The following RORA variants were observed in gnomAD, a reference collection of about 807,000 sequenced individuals.
RORA encodes RAR related orphan receptor A.
In RORA, 7 loss-of-function variants were observed where a neutral mutation model predicts 69.5. That is an observed-to-expected ratio of 0.10 (90% CI 0.06 to 0.19). The LOEUF is 0.19. Ranked by LOEUF, RORA falls within the 10% of genes least tolerant of loss-of-function variation. The pLI is 1.00. For synonymous variants in RORA, 261 were observed against 240.8 expected (o/e 1.08, Z -0.78); for missense variants, 457 against 663.0 (o/e 0.69, Z 3.41).
chr15:60,549,238 T>C (rs1265263745), intron 2 of RORA, among the ~76,000 whole-genome samples: 1 of 152,200 alleles, frequency 6.6e-6, no homozygotes, highest in Non-Finnish European at 1.5e-5. Flanking sequence ...TCTACTCTCT[T>C]GCTCTCTGCA....
At chr15:60,668,201 A>G (rs943039486) in intron 2 of RORA, among the ~76,000 whole-genome samples, 4 of 152,180 alleles carry the variant, frequency 2.6e-5, no homozygotes, top group Non-Finnish European at 5.9e-5. Flanking sequence ...CCTGAGCCCG[A>G]ATGACAAGTT....
rs912058386 is a variant in RORA, at chr15:60,493,208, G to T, written c.*4247C>A. ...CATATGATTTAAACAATCAATGTTG[G>T]AAACAGTGGCTTTAGGATTATTATC... On this transcript the variant is annotated 3_prime_UTR_variant, in exon 11 of 11. Coordinates refer to ENST00000335670, the MANE Select transcript of RORA (RefSeq NM_134261.3). The T allele has an allele frequency of 6.6e-6, 1 of 151,908 alleles. No homozygotes were observed. The highest frequency in any genetic ancestry group is 2.4e-5 in the African/African-American group (1 of 41,344). The allele number at this position is 151,908 out of a possible 1,614,324, so 9.4% of individuals were successfully genotyped here.
chr15:60,979,013 G>C (rs966862671), intron 1 of RORA, among the ~76,000 whole-genome samples: 2 of 126,428 alleles, frequency 1.6e-5, no homozygotes, highest in African/African-American at 5.9e-5. Flanking sequence ...CCAGGCTGGA[G>C]TGCAGTGGTG....
chr15:61,032,449 G>C (rs531181992), intron 1 of RORA, among the ~76,000 whole-genome samples: 21 of 152,254 alleles, frequency 1.4e-4, no homozygotes, highest in African/African-American at 5.1e-4. Context: ...TTAAAAGTTG[G>C]TTTTCAAACT....
chr15:61,216,619 G>A (rs2080043065), intron 1 of RORA, among the ~76,000 whole-genome samples: 1 of 152,126 alleles, frequency 6.6e-6, no homozygotes, highest in African/African-American at 2.4e-5. Flanking sequence ...AGCAACCCCA[G>A]CCTCAGTGCC....
chr15:60,696,032 T>G (rs2070899449), intron 1 of RORA, among the ~76,000 whole-genome samples: 1 of 152,176 alleles, frequency 6.6e-6, no homozygotes, highest in African/African-American at 2.4e-5. Flanking sequence ...CTTATTATTA[T>G]TATATATTAT....
chr15:60,826,883 G>C (rs895093377), intron 1 of RORA, among the ~76,000 whole-genome samples: 2 of 151,164 alleles, frequency 1.3e-5, no homozygotes, highest in African/African-American at 2.4e-5. Flanking sequence ...TAAACCCTAA[G>C]ACAATCTCAG....
At chr15:60,570,652 T>C (rs1397812540) in intron 2 of RORA, among the ~76,000 whole-genome samples, 1 of 152,160 alleles carries the variant, frequency 6.6e-6, no homozygotes, top group Admixed American at 6.5e-5. Context: ...GCCTGGCCCA[T>C]GGACAGTTTT....
At chr15:60,813,369 C>T (rs1166300985) in intron 1 of RORA, among the ~76,000 whole-genome samples, 3 of 152,186 alleles carry the variant, frequency 2.0e-5, no homozygotes, top group South Asian at 2.1e-4. Flanking sequence ...TGAGTGCTCA[C>T]GGTTGTGCAT....
intron 1 of RORA, among the ~76,000 whole-genome samples, chr15:60,884,597 C>A (rs1184211742): frequency 6.6e-6 from 1 of 152,114 alleles, no homozygotes; most frequent in Admixed American, 6.6e-5. Flanking sequence ...GGGAGAGAGA[C>A]AGGGAGATGT....
At chr15:60,983,259 T>G (rs1894099874) in intron 1 of RORA, among the ~76,000 whole-genome samples, 1 of 152,224 alleles carries the variant, frequency 6.6e-6, no homozygotes, top group Admixed American at 6.5e-5. Flanking sequence ...ACAGAGATCT[T>G]AAGACTAACA....
intron 1 of RORA, among the ~76,000 whole-genome samples, chr15:60,731,996 G>A (rs2140838129): frequency 6.6e-6 from 1 of 152,294 alleles, no homozygotes; most frequent in East Asian, 1.9e-4. Context: ...AATAGGCGAA[G>A]GGAGAGCATT....
At chr15:61,090,016 A>G (rs1212740530) in intron 1 of RORA, among the ~76,000 whole-genome samples, 1 of 152,260 alleles carries the variant, frequency 6.6e-6, no homozygotes, top group Non-Finnish European at 1.5e-5. Flanking sequence ...CCCCACTTCA[A>G]CTTTCAAAGC....
chr15:60,975,899 C>A (rs928841772), intron 1 of RORA, among the ~76,000 whole-genome samples: 5 of 152,222 alleles, frequency 3.3e-5, no homozygotes, highest in Admixed American at 1.3e-4. Flanking sequence ...TTCCAACTCT[C>A]AGCTAAGAGT....
chr15:61,059,988 GGAA>G (rs71122901), intron 1 of RORA, among the ~76,000 whole-genome samples: 9,510 of 85,704 alleles, frequency 0.11, 522 homozygotes, highest in Non-Finnish European at 0.13. Context: ...AAGAGGAAGA[GGAA>G]GAAGAAGAAG....
Position 61,060,977 on chromosome 15 carries a change from C to T in RORA, c.166+168076G>A, listed in dbSNP as rs866987174. Among the ~76,000 whole-genome samples, 5 of 152,286 alleles carry T rather than the reference C, an allele frequency of 3.3e-5. No individual in the cohort carries two copies. In the South Asian group the frequency reaches 8.3e-4, roughly 25 times the overall value. ...ACAAGCTTGATATAAAATGTCAAGC[C>T]TGAATCTAAAAGCAGGTATCCTCAA... is the stretch of plus-strand genomic sequence containing the variant. On this transcript the variant is annotated intron_variant, in intron 1 of 10. Coordinates refer to ENST00000335670, the MANE Select transcript of RORA (RefSeq NM_134261.3).
chr15:60,627,242 TG>T, intron 2 of RORA: 1 of 1,614,210 alleles, frequency 6.2e-7, no homozygotes, highest in Non-Finnish European at 8.5e-7. Flanking sequence ...TCTTACCTTC[TG>T]GCTCCTTCAC....
intron 1 of RORA, among the ~76,000 whole-genome samples, chr15:60,896,905 G>GGTA (rs1891245942): frequency 2.0e-5 from 3 of 152,038 alleles, no homozygotes; most frequent in African/African-American, 7.3e-5. Flanking sequence ...CTGACACTTG[G>GGTA]GTAGTACTCA....
At chr15:60,779,304 T>A (rs1429215750) in intron 1 of RORA, among the ~76,000 whole-genome samples, 1 of 152,152 alleles carries the variant, frequency 6.6e-6, no homozygotes, top group African/African-American at 2.4e-5. Context: ...TTTTGCATCC[T>A]CAGTTTTCTG....
Sources: allele counts gnomAD v4.1 joint callset (sites outside exome capture counted in the v4.1 genomes callset), GRCh38; gene constraint gnomAD v4.1.1; transcripts MANE v1.5; gene names NCBI Gene and HGNC (gene_info 2026-07-23, HGNC 2026-07-21).